Variants in LINGO2 observed in about 807,000 individuals in gnomAD.
LINGO2 encodes leucine rich repeat and Ig domain containing 2, also known as leucine-rich repeat and immunoglobulin-like domain-containing nogo receptor-interacting protein 2.
LINGO2 carries 14 observed loss-of-function variants against 30.6 expected under a neutral mutation model. That is an observed-to-expected ratio of 0.46 (90% CI 0.30 to 0.72). LINGO2 has a LOEUF of 0.72. Among genes scored for constraint, LINGO2 ranks in the 30% least tolerant of loss-of-function variants. The pLI is 0.07. For missense variants in LINGO2, 729 were observed against 751.7 expected (o/e 0.97, Z 0.35); for synonymous variants, 317 against 288.5 (o/e 1.10, Z -1.00).
At chr9:29,182,552 G>C in the LINGO2 span, among the ~76,000 whole-genome samples, 1 of 152,128 alleles carries the variant, frequency 6.6e-6, no homozygotes, top group Non-Finnish European at 1.5e-5. Context: ...CTCTTAACAG[G>C]GAAAAATGCT....
At chr9:28,045,525 A>C (rs190211125) in intron 4 of LINGO2, among the ~76,000 whole-genome samples, 2 of 152,344 alleles carry the variant, frequency 1.3e-5, no homozygotes, top group East Asian at 3.9e-4. Context: ...AGTGATTATA[A>C]ACATGTAAAA....
chr9:29,022,581 T>G, the LINGO2 span, among the ~76,000 whole-genome samples: 1 of 152,300 alleles, frequency 6.6e-6, no homozygotes, highest in African/African-American at 2.4e-5. Context: ...TTAAAACACA[T>G]GTAAAAAACA....
At chr9:28,834,725 T>C in the LINGO2 span, among the ~76,000 whole-genome samples, 4 of 152,320 alleles carry the variant, frequency 2.6e-5, no homozygotes, top group Admixed American at 2.6e-4. Context: ...AATTTTTTAA[T>C]GTAGTGAACT....
chr9:28,430,614 T>C (rs1180753525), intron 2 of LINGO2, among the ~76,000 whole-genome samples: 1 of 152,178 alleles, frequency 6.6e-6, no homozygotes, highest in African/African-American at 2.4e-5. Flanking sequence ...TACCTATATT[T>C]TTCCTATATG....
the LINGO2 span, among the ~76,000 whole-genome samples, chr9:28,883,628 G>GTGTGTATGTATGTATATATATATATATA: frequency 1.6e-5 from 1 of 64,180 alleles, no homozygotes; most frequent in African/African-American, 5.8e-5. Flanking sequence ...ATGTGTGTGT[G>GTGTGTATGTATGTATATATATATATATA]TATATATATA....
chr9:28,998,913 C>T, the LINGO2 span, among the ~76,000 whole-genome samples: 2 of 152,006 alleles, frequency 1.3e-5, no homozygotes, highest in African/African-American at 2.4e-5. Context: ...AATTTTCTTC[C>T]GCTTCCGTAA....
intron 1 of LINGO2, among the ~76,000 whole-genome samples, chr9:28,509,015 G>C (rs140123716): frequency 1.6e-4 from 25 of 152,158 alleles, no homozygotes; most frequent in Admixed American, 3.9e-4. Context: ...CATTTCATAT[G>C]GTAGGCCAAG....
chr9:29,210,431 T>C, the LINGO2 span, among the ~76,000 whole-genome samples: 1 of 152,194 alleles, frequency 6.6e-6, no homozygotes, highest in Non-Finnish European at 1.5e-5. Flanking sequence ...AAATAAATGA[T>C]TAGTGTATAT....
chr9:28,301,146 C>G (rs961337381), intron 3 of LINGO2, among the ~76,000 whole-genome samples: 1 of 152,016 alleles, frequency 6.6e-6, no homozygotes, highest in Non-Finnish European at 1.5e-5. Flanking sequence ...CAGAGAGCCA[C>G]AAATGGTGAG....
At chr9:28,508,903 G>T (rs1820259367) in intron 1 of LINGO2, among the ~76,000 whole-genome samples, 1 of 151,998 alleles carries the variant, frequency 6.6e-6, no homozygotes, top group Non-Finnish European at 1.5e-5. Flanking sequence ...CCCTAGAATG[G>T]AAATAATAAA....
At chr9:28,417,524 G>A (rs1414783107) in intron 2 of LINGO2, among the ~76,000 whole-genome samples, 1 of 151,710 alleles carries the variant, frequency 6.6e-6, no homozygotes, top group Admixed American at 6.6e-5. Context: ...TATTCCATAA[G>A]GTTAGAAAAA....
chr9:28,285,658 G>C (rs1237429687), intron 4 of LINGO2, among the ~76,000 whole-genome samples: 1 of 151,890 alleles, frequency 6.6e-6, no homozygotes, highest in East Asian at 1.9e-4. Context: ...GCCTGCCTCG[G>C]CCTCCCAAAG....
chr9:29,011,606 T>G, the LINGO2 span, among the ~76,000 whole-genome samples: 1 of 152,280 alleles, frequency 6.6e-6, no homozygotes, highest in South Asian at 2.1e-4. Context: ...GCATTATCAA[T>G]TTCGCAAAAC....
the LINGO2 span, among the ~76,000 whole-genome samples, chr9:29,124,241 C>T: frequency 1.1e-4 from 17 of 152,224 alleles, no homozygotes; most frequent in East Asian, 3.3e-3. Flanking sequence ...CCTTCTATTA[C>T]ACCTTATACA....
At chr9:28,577,945 C>T (rs1366635304) in intron 1 of LINGO2, among the ~76,000 whole-genome samples, 2 of 152,102 alleles carry the variant, frequency 1.3e-5, no homozygotes, top group African/African-American at 4.8e-5. Flanking sequence ...CTGATTCAGG[C>T]TTCCTAGAGA....
chr9:28,467,272 C>T (rs1587713508), intron 2 of LINGO2, among the ~76,000 whole-genome samples: 6 of 152,080 alleles, frequency 3.9e-5, no homozygotes, highest in Admixed American at 3.9e-4. Context: ...CGTAGTCTGC[C>T]CTCCTCGGCC....
At chr9:28,797,359 T>TATATATATAGAGAGAGAGAG in the LINGO2 span, among the ~76,000 whole-genome samples, 11 of 34,206 alleles carry the variant, frequency 3.2e-4, no homozygotes, top group African/African-American at 8.7e-4. Flanking sequence ...TATATATATA[T>TATATATATAGAGAGAGAGAG]AGAGAGAGAG....
At chr9:28,959,612 T>TCACA in the LINGO2 span, among the ~76,000 whole-genome samples, 321 of 132,208 alleles carry the variant, frequency 2.4e-3, 4 homozygotes, top group African/African-American at 8.0e-3. Flanking sequence ...TCTCTCTCCC[T>TCACA]CACACACACA....
the LINGO2 span, among the ~76,000 whole-genome samples, chr9:29,006,231 G>C: frequency 2.6e-5 from 4 of 151,846 alleles, no homozygotes; most frequent in African/African-American, 7.3e-5. Flanking sequence ...CTATTATTTA[G>C]TATTCAAACA....
Sources: gnomAD v4.1 joint callset for allele counts (sites outside exome capture counted in the v4.1 genomes callset) on GRCh38, gnomAD v4.1.1 for gene constraint, MANE v1.5 for transcripts, NCBI Gene and HGNC (gene_info 2026-07-23, HGNC 2026-07-21) for gene names.